The following PTPN13 variants were observed in gnomAD, a reference collection of about 807,000 sequenced individuals.
The protein encoded by PTPN13 is tyrosine-protein phosphatase non-receptor type 13.
Under a neutral mutation model 284.0 loss-of-function variants are expected in PTPN13, and 191 were observed. The ratio of observed to expected loss-of-function variants is 0.67; its 90% CI spans 0.60 to 0.76. The LOEUF (loss-of-function observed/expected upper bound fraction) is 0.76, where lower values mean the gene tolerates loss of function less well. Among genes scored for constraint, PTPN13 ranks in the 30% least tolerant of loss-of-function variants. The pLI, the probability that PTPN13 is intolerant of heterozygous loss-of-function variation, is 0.00. For missense variants in PTPN13, 2,797 were observed against 2,939.9 expected (o/e 0.95, Z 1.12); for synonymous variants, 986 against 1,022.3 (o/e 0.96, Z 0.68).
intron 10 of PTPN13, among the ~76,000 whole-genome samples, chr4:86,731,669 G>A (rs115425741): frequency 2.2e-4 from 33 of 152,136 alleles, no homozygotes; most frequent in African/African-American, 7.5e-4. Context: ...TTAGAGGTAG[G>A]GTCTTACTTT....
intron 2 of PTPN13, among the ~76,000 whole-genome samples, chr4:86,638,570 C>A (rs573737668): frequency 1.1e-4 from 17 of 152,226 alleles, no homozygotes; most frequent in South Asian, 6.2e-4. Context: ...CAAAAACAAG[C>A]AATGGGGAAA....
rs573987439 is a variant in PTPN13 at position 86,655,531 on chromosome 4, G to A, written c.116-16834G>A. Among the ~76,000 whole-genome samples the A allele has an allele frequency of 8.8e-3, 1,347 of 152,292 alleles. 6 individuals carry two copies. The highest frequency in any genetic ancestry group is 0.013 in the Non-Finnish European group (907 of 68,024). On this transcript the variant is annotated intron_variant, in intron 2 of 47. Transcript: ENST00000411767. ...AGTTTGGCTGGATATGAAATTCTGG[G>A]TTGAAAATTCTTTTCTTTAAGAATG...
At chr4:86,746,004 C>G (rs1259045997) in intron 17 of PTPN13, among the ~76,000 whole-genome samples, 1 of 152,092 alleles carries the variant, frequency 6.6e-6, no homozygotes, top group East Asian at 1.9e-4. Context: ...GCACCCAGAA[C>G]AGGACAGTGA....
Position 86,750,554 on chromosome 4 carries a change from T to C in PTPN13, c.2735T>C (p.Leu912Pro). 1.9e-6 allele frequency: 3 copies of C among 1,613,954 alleles called. No homozygotes were observed. The highest frequency in any genetic ancestry group is 2.5e-6 in the Non-Finnish European group (3 of 1,179,858). ...NMGRAISTGS[L>P]ASSTLNKLAV... ...GGACGAGCAATCAGCACTGGCAGTC[T>C]GGCCAGCAGCACCCTCAACAAACTT... The change falls in exon 18 of 48, where the codon CTG becomes CCG. Residue 912 changes from leucine (L) to proline (P), a missense_variant. Transcript: ENST00000411767.
At chr4:86,603,162 TAAG>T (rs773002061) in intron 1 of PTPN13, among the ~76,000 whole-genome samples, 6 of 152,310 alleles carry the variant, frequency 3.9e-5, no homozygotes, top group East Asian at 1.9e-4. Flanking sequence ...AGGTGAGTGA[TAAG>T]AAGTATAATT....
rs1392111672 is a variant in PTPN13 at position 86,807,916 on chromosome 4, T to A, written c.7083+19T>A. On this transcript the variant is annotated intron_variant, in intron 45 of 47. Transcript: ENST00000411767. ...TATTCAGGTAAGTGAATGAAATCTT[T>A]CCCTGTTGGAAGGTGTATCTCCTAG... 6.3e-7 allele frequency: 1 copy of A among 1,586,010 alleles called. No individual in the cohort carries two copies. Among genetic ancestry groups the A allele is most frequent in the South Asian group, 1.2e-5 (1 of 86,860 alleles).
chr4:86,807,404 G>C (rs1462928872), intron 44 of PTPN13, among the ~76,000 whole-genome samples, 156 bp from the exon 45 acceptor site: 3 of 152,188 alleles, frequency 2.0e-5, no homozygotes, highest in African/African-American at 7.2e-5. Context: ...TAATTTGGCT[G>C]TGCTACAATT....
At chr4:86,652,315 TTAGAG>T (rs1223382329) in intron 2 of PTPN13, among the ~76,000 whole-genome samples, 1 of 152,214 alleles carries the variant, frequency 6.6e-6, no homozygotes, top group African/African-American at 2.4e-5. Flanking sequence ...AATTACAGTG[TTAGAG>T]TATTCTGTAT....
At position 86,775,646 on chromosome 4, in the gene PTPN13, C is replaced by T; in HGVS notation, c.5885C>T (p.Ala1962Val). The change falls in exon 35 of 48, where the codon GCA (alanine) becomes GTA (valine). Residue 1962 changes from alanine to valine, a missense_variant. Physicochemically the swap from Ala to Val is moderately conservative, Grantham distance 64 (BLOSUM62 0). Coordinates refer to ENST00000411767, the MANE Select transcript of PTPN13 (RefSeq NM_080683.3). ...DMSLPSLVLK[A>V]TRNDLPVVPS... is the part of the protein sequence containing the mutation. ...TCACTTCCTTCATTGGTATTGAAAG[C>T]AACAAGGTACTCTGCAATTATTTAT... 6.2e-7 allele frequency: 1 copy of T among 1,608,528 alleles called. No individual in the cohort carries two copies. Among genetic ancestry groups the T allele is most frequent in the Non-Finnish European group, 8.5e-7 (1 of 1,176,980 alleles).
chr4:86,749,232 G>A (rs929103455), intron 17 of PTPN13, among the ~76,000 whole-genome samples: 1 of 151,996 alleles, frequency 6.6e-6, no homozygotes, highest in Non-Finnish European at 1.5e-5. Context: ...GTAATCATTT[G>A]ATATTTTCTT....
chr4:86,621,486 G>GTT (rs202211264), intron 1 of PTPN13, among the ~76,000 whole-genome samples: 5 of 150,968 alleles, frequency 3.3e-5, no homozygotes, highest in Non-Finnish European at 7.4e-5. Flanking sequence ...AAAAGCAAGT[G>GTT]TTTTTTTTTA....
At chr4:86,782,322 G>A in intron 37 of PTPN13, 60 bp downstream of exon 37, 1 of 1,421,442 alleles carries the variant, frequency 7.0e-7, no homozygotes, top group Non-Finnish European at 9.9e-7. Context: ...CTGCATGTTT[G>A]TGTTTTGAAC....
At chr4:86,701,093 A>G (rs896627190) in intron 6 of PTPN13, 148 bp from the exon 7 acceptor site, 8 of 587,924 alleles carry the variant, frequency 1.4e-5, no homozygotes, top group African/African-American at 1.1e-4. Flanking sequence ...CTCTTCCACT[A>G]TGACCATCAT....
chr4:86,659,027 A>G (rs1490415675), intron 2 of PTPN13, among the ~76,000 whole-genome samples: 4 of 152,310 alleles, frequency 2.6e-5, no homozygotes, highest in East Asian at 3.9e-4. Context: ...AAGAAATAAA[A>G]TCTTAAAACT....
chr4:86,776,232 C>T (rs1740626475), intron 35 of PTPN13, among the ~76,000 whole-genome samples: 1 of 152,242 alleles, frequency 6.6e-6, no homozygotes. Context: ...AGGCGTGAGC[C>T]ACCCTACCTG....
intron 20 of PTPN13, among the ~76,000 whole-genome samples, chr4:86,753,584 A>G (rs1359811660): frequency 6.6e-6 from 1 of 152,084 alleles, no homozygotes; most frequent in Non-Finnish European, 1.5e-5. Context: ...AAATATTATG[A>G]GGATATTTTG....
chr4:86,614,863 G>A (rs186216938), intron 1 of PTPN13, among the ~76,000 whole-genome samples: 2 of 152,072 alleles, frequency 1.3e-5, no homozygotes, highest in Non-Finnish European at 2.9e-5. Context: ...AATTATACTT[G>A]GTTTTTGAAT....
chr4:86,667,315 C>T (rs1344726118), intron 2 of PTPN13, among the ~76,000 whole-genome samples: 1 of 152,048 alleles, frequency 6.6e-6, no homozygotes, highest in Non-Finnish European at 1.5e-5. Context: ...TATCAATTTA[C>T]ATTATTGTAG....
At chr4:86,608,354 A>G (rs1764978743) in intron 1 of PTPN13, among the ~76,000 whole-genome samples, 1 of 152,066 alleles carries the variant, frequency 6.6e-6, no homozygotes, top group South Asian at 2.1e-4. Context: ...ATATGGAGGA[A>G]GCTTACTGAT....
Sources: gnomAD v4.1 joint callset for allele counts (sites outside exome capture counted in the v4.1 genomes callset) on GRCh38, gnomAD v4.1.1 for gene constraint, MANE v1.5 for transcripts, NCBI Gene and HGNC (gene_info 2026-07-23, HGNC 2026-07-21) for gene names.